The following AUTS2 variants were observed in gnomAD, a reference collection of about 807,000 sequenced individuals.
The protein encoded by AUTS2 is activator of transcription and developmental regulator AUTS2, also known as autism susceptibility gene 2 protein.
Under a neutral mutation model 112.4 loss-of-function variants are expected in AUTS2, and 17 were observed. The ratio of observed to expected loss-of-function variants is 0.15; its 90% CI spans 0.10 to 0.23. AUTS2 has a LOEUF of 0.23. Among genes scored for constraint, AUTS2 ranks in the 10% least tolerant of loss-of-function variants. The probability of loss-of-function intolerance (pLI) is 1.00; values close to 1 mark genes in which losing one functional copy is unlikely to be tolerated. For missense variants in AUTS2, 1,510 were observed against 1,701.6 expected, an observed-to-expected ratio of 0.89 and a Z score of 1.98; for synonymous variants, 751 against 702.7, an observed-to-expected ratio of 1.07 and a Z score of -1.09.
intron 4 of AUTS2, among the ~76,000 whole-genome samples, chr7:70,420,857 G>T (rs961706079): frequency 6.6e-6 from 1 of 152,174 alleles, no homozygotes; most frequent in Non-Finnish European, 1.5e-5. Context: ...GGCTTCACAG[G>T]TGTGTACACA....
intron 6 of AUTS2, among the ~76,000 whole-genome samples, chr7:70,708,086 G>C (rs1382247714): frequency 6.6e-6 from 1 of 152,098 alleles, no homozygotes; most frequent in Non-Finnish European, 1.5e-5. Flanking sequence ...AGTTATATTT[G>C]GATGCCTTTA....
intron 5 of AUTS2, among the ~76,000 whole-genome samples, chr7:70,470,582 C>G (rs541108029): frequency 1.3e-5 from 2 of 152,264 alleles, no homozygotes; most frequent in East Asian, 3.9e-4. Context: ...CTGGCTCATC[C>G]CTGGACGTGT....
At chr7:70,428,488 T>A (rs541126176) in intron 4 of AUTS2, among the ~76,000 whole-genome samples, 1 of 152,274 alleles carries the variant, frequency 6.6e-6, no homozygotes, top group South Asian at 2.1e-4. Flanking sequence ...GTCTTTAAGG[T>A]CTTAGATAAA....
chr7:70,117,589 T>A (rs559955286), intron 2 of AUTS2, among the ~76,000 whole-genome samples: 1 of 152,184 alleles, frequency 6.6e-6, no homozygotes, highest in Non-Finnish European at 1.5e-5. Context: ...TTTGGCTTTT[T>A]AGGTGTTTAT....
At chr7:69,877,537 G>A (rs1793855727) in intron 1 of AUTS2, among the ~76,000 whole-genome samples, 1 of 152,036 alleles carries the variant, frequency 6.6e-6, no homozygotes, top group Non-Finnish European at 1.5e-5. Context: ...GTGATGCTGA[G>A]GCTTGGGGTA....
At chr7:70,103,210 G>A (rs1408493569) in intron 2 of AUTS2, among the ~76,000 whole-genome samples, 3 of 152,130 alleles carry the variant, frequency 2.0e-5, no homozygotes, top group Non-Finnish European at 2.9e-5. Context: ...TTACTCTGGA[G>A]GGGTAGCATA....
intron 5 of AUTS2, among the ~76,000 whole-genome samples, chr7:70,595,785 C>T (rs1803167468): frequency 6.6e-6 from 1 of 152,188 alleles, no homozygotes; most frequent in African/African-American, 2.4e-5. Flanking sequence ...TCTAAAAACC[C>T]AAACAGCAAA....
In AUTS2 at chr7:69,886,294, T is replaced by G. The variant is rs76550955; in HGVS notation, c.310-12992T>G. On this transcript the variant is annotated intron_variant, in intron 1 of 18. Transcript: ENST00000342771. The stretch of plus-strand genomic sequence containing the variant: ...TAAGAGAAGGAATGCCTGCACATCT[T>G]CAATAGGAAGTTGACAACAGTTTCT... Among the ~76,000 whole-genome samples, 445 of 152,334 alleles carry G rather than the reference T, an allele frequency of 2.9e-3. 5 individuals carry two copies. The highest frequency in any genetic ancestry group is 0.01 in the African/African-American group (431 of 41,574).
chr7:70,090,515 C>T (rs951450103), intron 2 of AUTS2, among the ~76,000 whole-genome samples: 3 of 151,912 alleles, frequency 2.0e-5, no homozygotes, highest in African/African-American at 7.3e-5. Context: ...AGGTGCGCAC[C>T]ACCATGCCCA....
rs142870763 is a variant in AUTS2 at position 70,523,753 on chromosome 7, C to T, written c.690+87972C>T. On this transcript the variant is annotated intron_variant, in intron 5 of 18. Transcript: ENST00000342771. ...TCTAGCCTATAGCTGGAAAGTACAACGCACCGTGCCCCACAGCACCCTTTG... is the reference window on the plus strand; with the variant it reads ...TCTAGCCTATAGCTGGAAAGTACAATGCACCGTGCCCCACAGCACCCTTTG... 9.7e-3 allele frequency among the ~76,000 whole-genome samples: 1,478 copies of T among 152,266 alleles called. 16 individuals are homozygous for T. The highest frequency in any genetic ancestry group is 0.034 in the African/African-American group (1,408 of 41,552).
intron 2 of AUTS2, among the ~76,000 whole-genome samples, chr7:69,973,883 G>T (rs1797954829): frequency 1.3e-5 from 2 of 151,838 alleles, no homozygotes; most frequent in South Asian, 2.1e-4. Flanking sequence ...AGAAATACTG[G>T]TCTGTAATTT....
intron 1 of AUTS2, among the ~76,000 whole-genome samples, chr7:69,615,675 A>G (rs1793334583): frequency 6.6e-6 from 1 of 152,156 alleles, no homozygotes; most frequent in East Asian, 1.9e-4. Flanking sequence ...TTTGTTTAGT[A>G]TGGTGTACCT....
intron 1 of AUTS2, among the ~76,000 whole-genome samples, chr7:69,891,235 A>G (rs575337829): frequency 2.0e-5 from 3 of 152,190 alleles, no homozygotes; most frequent in Non-Finnish European, 4.4e-5. Context: ...CATACATAAT[A>G]TAATCTTTTC....
chr7:69,758,380 A>G (rs1788028738), intron 1 of AUTS2, among the ~76,000 whole-genome samples: 1 of 152,156 alleles, frequency 6.6e-6, no homozygotes, highest in African/African-American at 2.4e-5. Flanking sequence ...ACTTTATTAC[A>G]TCATTTACTT....
In AUTS2 at chr7:70,766,728, G is replaced by A. The variant is rs965906354; in HGVS notation, c.1689+394G>A. ...AGCACATACATTCTTGCAGGGTAAT[G>A]GGGGTGAAGAAGAGAGAAGAGAAGG... On this transcript the variant is annotated intron_variant, in intron 9 of 18. Transcript: ENST00000342771. The surrounding 1 kb of genome is among the most constrained non-coding windows in gnomAD (Gnocchi z 4.8). Among the ~76,000 whole-genome samples the A allele has an allele frequency of 6.6e-6, 1 of 152,338 alleles. No homozygotes were observed. The highest frequency in any genetic ancestry group is 6.5e-5 in the Admixed American group (1 of 15,308).
intron 4 of AUTS2, among the ~76,000 whole-genome samples, chr7:70,245,170 A>ATATATATAT (rs57817453): frequency 3.6e-4 from 48 of 133,734 alleles, no homozygotes; most frequent in African/African-American, 9.5e-4. Context: ...ATATATATAT[A>ATATATATAT]AAAAATAAAA....
At chr7:70,439,538 CA>C (rs71077657) in intron 5 of AUTS2, among the ~76,000 whole-genome samples, 2,097 of 73,264 alleles carry the variant, frequency 0.029, 20 homozygotes, top group African/African-American at 0.094. Context: ...GACTCCATCT[CA>C]AAAAAAAAAA....
chr7:70,185,874 C>T (rs1464625215), intron 4 of AUTS2, among the ~76,000 whole-genome samples: 3 of 152,014 alleles, frequency 2.0e-5, no homozygotes, highest in Non-Finnish European at 2.9e-5. Context: ...TCAGGAAAGG[C>T]GTGAGATTGA....
rs139798320 is a variant in AUTS2 at position 69,807,030 on chromosome 7, G to T, written c.310-92256G>T. 2.9e-3 allele frequency among the ~76,000 whole-genome samples: 443 copies of T among 151,716 alleles called. 4 individuals carry two copies. Among genetic ancestry groups the T allele is most frequent in the African/African-American group, 0.01 (429 of 41,350 alleles). On this transcript the variant is annotated intron_variant, in intron 1 of 18. Transcript: ENST00000342771. ...TAGCAAGTGTGGCCAGCTTGCTCTT[G>T]TAATGTTTAGTTTCCTGGACCTCAT...
Sources: gnomAD v4.1 joint callset for allele counts (sites outside exome capture counted in the v4.1 genomes callset) on GRCh38, gnomAD v4.1.1 for gene constraint, Gnocchi (gnomAD v3.1) non-coding constraint, MANE v1.5 for transcripts, NCBI Gene and HGNC (gene_info 2026-07-23, HGNC 2026-07-21) for gene names.